Variants in ZNF277 observed in about 807,000 individuals in gnomAD.
The protein encoded by ZNF277 is zinc finger protein 277, also known as nuclear receptor-interacting factor 4.
In ZNF277, 55 loss-of-function variants were observed where a neutral mutation model predicts 60.7. The observed-to-expected ratio is 0.91, with a 90% CI of 0.73 to 1.13. ZNF277 has a LOEUF of 1.13. Among genes scored for constraint, ZNF277 ranks in the 50% most tolerant of loss-of-function variants. The probability of loss-of-function intolerance (pLI) is 0.00; values close to 1 mark genes in which losing one functional copy is unlikely to be tolerated. For synonymous variants in ZNF277, 178 were observed against 179.3 expected, an observed-to-expected ratio of 0.99 and a Z score of 0.06; for missense variants, 510 against 523.0, an observed-to-expected ratio of 0.98 and a Z score of 0.24.
intron 1 of ZNF277, among the ~76,000 whole-genome samples, chr7:112,279,730 A>G (rs1791897817): frequency 6.6e-6 from 1 of 152,194 alleles, no homozygotes; most frequent in Admixed American, 6.5e-5. Context: ...TTTTGTATAT[A>G]TATTATATAC....
chr7:112,298,603 G>A (rs1792405303), intron 4 of ZNF277, among the ~76,000 whole-genome samples: 1 of 152,176 alleles, frequency 6.6e-6, no homozygotes, highest in African/African-American at 2.4e-5. Flanking sequence ...ATGAAGAAAA[G>A]AGTAAATGTA....
At chr7:112,321,086 A>T (rs374182863) in intron 5 of ZNF277, among the ~76,000 whole-genome samples, 25 of 150,858 alleles carry the variant, frequency 1.7e-4, no homozygotes, top group African/African-American at 5.8e-4. Flanking sequence ...CACGCCCGGC[A>T]AATTTTTTGT....
chr7:112,341,059 A>G lies in ZNF277; in HGVS notation c.1184+13A>G, dbSNP rs754530306. ...GGGATCAACTGGAGTACGTACTGCA[A>G]AACCAAATGTGCACTTCTTACTCCA... is the stretch of plus-strand genomic sequence containing the variant. On this transcript the variant is annotated intron_variant, in intron 11 of 11. Transcript: ENST00000361822. 77 of 1,565,554 alleles carry G rather than the reference A, an allele frequency of 4.9e-5. No individual in the cohort carries two copies. The highest frequency in any genetic ancestry group is 1.2e-4 in the Admixed American group (6 of 51,182).
intron 9 of ZNF277, among the ~76,000 whole-genome samples, chr7:112,338,395 A>G (rs972013014): frequency 6.6e-6 from 1 of 152,122 alleles, no homozygotes; most frequent in African/African-American, 2.4e-5. Context: ...GAGGACACAC[A>G]CCCTGCACCT....
At chr7:112,215,098 G>A (rs1448888552) in intron 1 of ZNF277, among the ~76,000 whole-genome samples, 2 of 152,196 alleles carry the variant, frequency 1.3e-5, no homozygotes, top group African/African-American at 4.8e-5. Context: ...AGAGGCAGTA[G>A]CGAGTACAAG....
intron 1 of ZNF277, among the ~76,000 whole-genome samples, chr7:112,280,201 G>A (rs539722024): frequency 2.0e-5 from 3 of 152,156 alleles, no homozygotes; most frequent in African/African-American, 7.2e-5. Context: ...TGAATGGCAC[G>A]TTTCCATGGC....
At chr7:112,279,039 G>T (rs762727339) in intron 1 of ZNF277, among the ~76,000 whole-genome samples, 1 of 151,882 alleles carries the variant, frequency 6.6e-6, no homozygotes, top group Admixed American at 6.6e-5. Flanking sequence ...TATCTTCAAG[G>T]TTCATTCCTT....
At chr7:112,249,650 A>C (rs1330205954) in intron 1 of ZNF277, among the ~76,000 whole-genome samples, 1 of 152,212 alleles carries the variant, frequency 6.6e-6, no homozygotes, top group Non-Finnish European at 1.5e-5. Context: ...GGCTGAAGCC[A>C]TGGCAGAAGA....
Position 112,337,190 on chromosome 7 carries a change from G to C in ZNF277, c.870-540G>C, listed in dbSNP as rs537182147. ...GAAATGCCAAGGAGCGGGGAAAGTGGTAAAAGGGATCCTGTATCCTTTTTG... is the reference window on the plus strand; with the variant it reads ...GAAATGCCAAGGAGCGGGGAAAGTGCTAAAAGGGATCCTGTATCCTTTTTG... On this transcript the variant is annotated intron_variant, in intron 8 of 11. Transcript: ENST00000361822. 8.9e-4 allele frequency among the ~76,000 whole-genome samples: 136 copies of C among 152,332 alleles called. 1 individual carries two copies. Among genetic ancestry groups the C allele is most frequent in the African/African-American group, 3.0e-3 (126 of 41,568 alleles).
chr7:112,336,796 G>C (rs1325902244), intron 8 of ZNF277, among the ~76,000 whole-genome samples: 3 of 152,186 alleles, frequency 2.0e-5, no homozygotes, highest in African/African-American at 7.2e-5. Flanking sequence ...TTCAGGCAGA[G>C]AGTCTTCCAG....
intron 1 of ZNF277, among the ~76,000 whole-genome samples, chr7:112,261,281 C>T (rs1791432999): frequency 6.6e-6 from 1 of 152,192 alleles, no homozygotes; most frequent in South Asian, 2.1e-4. Flanking sequence ...AAAGTACATA[C>T]TTGAAGACTG....
chr7:112,255,535 T>C (rs1791290043), intron 1 of ZNF277, among the ~76,000 whole-genome samples: 2 of 152,162 alleles, frequency 1.3e-5, no homozygotes, highest in Non-Finnish European at 2.9e-5. Context: ...GGCTATAATA[T>C]AAAGAGCTAA....
chr7:112,232,760 T>A (rs991565525), intron 1 of ZNF277, among the ~76,000 whole-genome samples: 1 of 152,194 alleles, frequency 6.6e-6, no homozygotes, highest in Non-Finnish European at 1.5e-5. Context: ...CACTTCACTA[T>A]GCTGAAGTTT....
chr7:112,276,175 CAACTT>C (rs1791789345), intron 1 of ZNF277, among the ~76,000 whole-genome samples: 1 of 152,122 alleles, frequency 6.6e-6, no homozygotes, highest in African/African-American at 2.4e-5. Context: ...TGGAAATAAC[CAACTT>C]CCCGGCCCAT....
Position 112,330,206 on chromosome 7 carries a change from T to A in ZNF277, c.791T>A (p.Ile264Asn). 1.2e-6 allele frequency: 2 copies of A among 1,612,628 alleles called. No homozygotes were observed. Among genetic ancestry groups the A allele is most frequent in the Non-Finnish European group, 1.7e-6 (2 of 1,179,780 alleles). Reference protein sequence around the residue: ...KNREYDRFYVINYLELGKSWE... With the variant: ...KNREYDRFYVNNYLELGKSWE... ...AGAGAATATGACAGATTTTATGTCA[T>A]CAATTATTTGGTAAGGCTTTCTTTT... is the stretch of plus-strand genomic sequence containing the variant. Residue 264 changes from isoleucine (I) to asparagine (N), a missense_variant, in exon 7 of 12, where the codon ATC becomes AAC. Physicochemically the swap from Ile to Asn is moderately radical, Grantham distance 149. Transcript: ENST00000361822.
chr7:112,256,172 T>C (rs1791302547), intron 1 of ZNF277, among the ~76,000 whole-genome samples: 1 of 152,174 alleles, frequency 6.6e-6, no homozygotes, highest in African/African-American at 2.4e-5. Flanking sequence ...CACACGTAAA[T>C]CATGGATTTT....
chr7:112,232,926 A>G (rs1265269040), intron 1 of ZNF277, among the ~76,000 whole-genome samples: 1 of 152,112 alleles, frequency 6.6e-6, no homozygotes, highest in Admixed American at 6.6e-5. Flanking sequence ...TAATTCATAT[A>G]TTCTCTCTGC....
intron 1 of ZNF277, among the ~76,000 whole-genome samples, chr7:112,234,670 T>G (rs1025816604): frequency 1.3e-5 from 2 of 152,134 alleles, no homozygotes; most frequent in Non-Finnish European, 2.9e-5. Flanking sequence ...TGCAGCATAT[T>G]ACCAAAGTTT....
chr7:112,212,068 CAGG>C (rs1821763076), intron 1 of ZNF277, among the ~76,000 whole-genome samples: 1 of 152,166 alleles, frequency 6.6e-6, no homozygotes, highest in African/African-American at 2.4e-5. Context: ...TGCAAAATAT[CAGG>C]AGGATGATAT....
Sources: gnomAD v4.1 joint callset for allele counts (sites outside exome capture counted in the v4.1 genomes callset) on GRCh38, gnomAD v4.1.1 for gene constraint, MANE v1.5 for transcripts, NCBI Gene and HGNC (gene_info 2026-07-23, HGNC 2026-07-21) for gene names.